Variants in ANKRD11 observed in about 807,000 individuals in gnomAD.
ANKRD11 encodes the protein ankyrin repeat domain-containing protein 11.
In ANKRD11, 17 loss-of-function variants were observed where a neutral mutation model predicts 195.7. The observed-to-expected ratio is 0.09, with a 90% CI of 0.06 to 0.13. The LOEUF (loss-of-function observed/expected upper bound fraction) is 0.13, where lower values mean the gene tolerates loss of function less well. ANKRD11 is among the 10% of genes least tolerant of loss of function. The pLI is 1.00. For synonymous variants in ANKRD11, 1,953 were observed against 1,528.1 expected (o/e 1.28, Z -6.49); for missense variants, 3,735 against 3,566.1 (o/e 1.05, Z -1.21).
At chr16:89,486,607 G>C (rs1448189763) in intron 1 of ANKRD11, among the ~76,000 whole-genome samples, 1 of 152,178 alleles carries the variant, frequency 6.6e-6, no homozygotes, top group Non-Finnish European at 1.5e-5. Flanking sequence ...ACTGAGGAAA[G>C]GCAAGGCCAA....
chr16:89,275,326 C>T (rs2033558548), intron 9 of ANKRD11, 135 bp from the exon 10 acceptor site: 1 of 684,616 alleles, frequency 1.5e-6, no homozygotes, highest in South Asian at 1.8e-5. Context: ...CCTCCAGTCC[C>T]AGCAACAGAC....
chr16:89,357,538 G>T (rs944066301), intron 2 of ANKRD11, among the ~76,000 whole-genome samples: 6 of 152,186 alleles, frequency 3.9e-5, no homozygotes, highest in African/African-American at 1.2e-4. Flanking sequence ...CAAAAGAACT[G>T]AAAGCAGGGC....
At chr16:89,393,546 G>C (rs539825487) in intron 2 of ANKRD11, among the ~76,000 whole-genome samples, 2 of 127,536 alleles carry the variant, frequency 1.6e-5, no homozygotes, top group Non-Finnish European at 3.2e-5. Context: ...TCACCATGTT[G>C]CCCAGGCTGG....
chr16:89,330,391 C>T (rs890593106), intron 2 of ANKRD11, among the ~76,000 whole-genome samples: 2 of 151,986 alleles, frequency 1.3e-5, no homozygotes, highest in Admixed American at 6.6e-5. Flanking sequence ...GGCTGCTTCC[C>T]AGGTGGCCGC....
chr16:89,334,576 G>A (rs2038250833), intron 2 of ANKRD11, among the ~76,000 whole-genome samples: 1 of 152,084 alleles, frequency 6.6e-6, no homozygotes, highest in Non-Finnish European at 1.5e-5. Context: ...ATGGGGCCAT[G>A]AGAAGCAGCC....
intron 2 of ANKRD11, among the ~76,000 whole-genome samples, chr16:89,384,879 C>CTTTTTATTTTTTTTTTTTTTTTT (rs2040833636): frequency 2.0e-5 from 1 of 49,910 alleles, no homozygotes; most frequent in Non-Finnish European, 3.5e-5. Flanking sequence ...AAATAGTTTT[C>CTTTTTATTTTTTTTTTTTTTTTT]TTTTTTTTTT....
chr16:89,291,269 C>G lies in ANKRD11; in HGVS notation c.227-86G>C. ...TAGGTCCTTACCTAATGTTACGGAG[C>G]CCCCTGCGTCCACCTGACAGCTGAC... is the stretch of plus-strand genomic sequence containing the variant. On this transcript the variant is annotated intron_variant, in intron 4 of 12. Transcript: ENST00000301030. This position sits in a 1 kb window ranked among gnomAD's most constrained non-coding sequence, Gnocchi z 5.3. 6.0e-6 allele frequency: 9 copies of G among 1,499,264 alleles called. No individual in the cohort carries two copies. The highest frequency in any genetic ancestry group is 1.4e-5 in the African/African-American group (1 of 72,576). The allele number at this position is 1,499,264 out of a possible 1,614,324, so 92.9% of individuals were successfully genotyped here.
intron 12 of ANKRD11, 34 bp downstream of exon 12, chr16:89,270,783 C>G: frequency 1.2e-6 from 2 of 1,607,610 alleles, no homozygotes; most frequent in Non-Finnish European, 1.7e-6. Context: ...AGCAGCCTCC[C>G]CCAGGCAGAA....
Position 89,279,003 on chromosome 16 carries a change from G to A in ANKRD11, c.7470+69C>T, listed in dbSNP as rs1179539948. ...AGTGGGACAAGACGGGCTGGAGGAA[G>A]CCGTGACTAGGGGCCCCAGACGCAT... On this transcript the variant is annotated intron_variant, in intron 9 of 12. Coordinates refer to ENST00000301030, the MANE Select transcript of ANKRD11 (RefSeq NM_013275.6). This position sits in a 1 kb window ranked among gnomAD's most constrained non-coding sequence, Gnocchi z 5.6. 3 of 1,591,870 alleles carry A rather than the reference G, an allele frequency of 1.9e-6. No homozygotes were observed. Among genetic ancestry groups the A allele is most frequent in the Non-Finnish European group, 2.6e-6 (3 of 1,169,572 alleles).
chr16:89,352,991 T>C (rs890184659), intron 2 of ANKRD11, among the ~76,000 whole-genome samples: 2 of 152,220 alleles, frequency 1.3e-5, no homozygotes, highest in African/African-American at 4.8e-5. Flanking sequence ...ACCTTGAATA[T>C]ATTAACTTTA....
chr16:89,413,628 G>GA (rs1324742290), intron 2 of ANKRD11, among the ~76,000 whole-genome samples: 1 of 151,980 alleles, frequency 6.6e-6, no homozygotes, highest in African/African-American at 2.4e-5. Flanking sequence ...CTCAAAAAAA[G>GA]AAAAAAATAA....
At position 89,281,891 on chromosome 16, in the gene ANKRD11, C is replaced by T; in HGVS notation, c.4651G>A (p.Gly1551Arg). Residue 1551 changes from glycine to arginine, a missense_variant, in exon 9 of 13, where the codon GGG becomes AGG. Transcript: ENST00000301030. This position sits in a 1 kb window ranked among gnomAD's most constrained non-coding sequence, Gnocchi z 5.5. ...EKGDPVKMSN[G>R]NDKVAPSKDP... ...TTGGATGGCGCTACCTTATCATTCCCGTTGCTCATCTTCACTGGGTCGCCC... is the reference window on the plus strand; with the variant it reads ...TTGGATGGCGCTACCTTATCATTCCTGTTGCTCATCTTCACTGGGTCGCCC... The T allele has an allele frequency of 1.9e-6, 3 of 1,613,792 alleles. No individual in the cohort carries two copies. Among genetic ancestry groups the T allele is most frequent in the South Asian group, 1.1e-5 (1 of 91,084 alleles).
At chr16:89,271,677 G>C (rs1381819681) in intron 11 of ANKRD11, 2 of 153,006 alleles carry the variant, frequency 1.3e-5, no homozygotes, top group African/African-American at 4.8e-5. Context: ...ACGGTGCTGG[G>C]AAAACTGGCT....
chr16:89,397,545 T>C (rs985560060), intron 2 of ANKRD11, among the ~76,000 whole-genome samples: 16 of 152,184 alleles, frequency 1.1e-4, no homozygotes, highest in African/African-American at 2.9e-4. Flanking sequence ...CGGGGAAGGG[T>C]TGAGCCCAGC....
intron 2 of ANKRD11, among the ~76,000 whole-genome samples, chr16:89,413,485 C>T (rs547243526): frequency 3.9e-5 from 6 of 152,168 alleles, no homozygotes; most frequent in East Asian, 3.9e-4. Flanking sequence ...ATTAGCCGGG[C>T]GTGGTGGCGG....
At chr16:89,467,447 A>T (rs1166674017) in intron 1 of ANKRD11, among the ~76,000 whole-genome samples, 1 of 152,230 alleles carries the variant, frequency 6.6e-6, no homozygotes, top group East Asian at 1.9e-4. Context: ...GTCTCTAAAA[A>T]GAAACCCTGG....
chr16:89,462,661 G>A (rs1273467591), intron 1 of ANKRD11, among the ~76,000 whole-genome samples: 2 of 151,446 alleles, frequency 1.3e-5, no homozygotes, highest in Non-Finnish European at 2.9e-5. Flanking sequence ...TCTAGGAAGT[G>A]AGGAGCGTCT....
At chr16:89,451,411 CTTTTTT>C (rs66712285) in intron 1 of ANKRD11, among the ~76,000 whole-genome samples, 40 of 130,198 alleles carry the variant, frequency 3.1e-4, no homozygotes, top group South Asian at 2.4e-4. Context: ...TCACAAATTA[CTTTTTT>C]TTTTTTTTTT....
intron 2 of ANKRD11, among the ~76,000 whole-genome samples, chr16:89,334,144 T>TAAAAAAAAAAAAAAAAAAAAAAAA (rs869142504): frequency 4.8e-5 from 2 of 41,416 alleles, no homozygotes; most frequent in African/African-American, 1.9e-4. Flanking sequence ...CCCTGTGTTT[T>TAAAAAAAAAAAAAAAAAAAAAAAA]AAAAAAAAAA....
Sources: allele counts gnomAD v4.1 joint callset (sites outside exome capture counted in the v4.1 genomes callset), GRCh38; gene constraint gnomAD v4.1.1; non-coding constraint Gnocchi (gnomAD v3.1); transcripts MANE v1.5; gene names NCBI Gene and HGNC (gene_info 2026-07-23, HGNC 2026-07-21).